The following PDE8B variants were observed in gnomAD, a reference collection of about 807,000 sequenced individuals.
The protein encoded by PDE8B is high affinity cAMP-specific and IBMX-insensitive 3',5'-cyclic phosphodiesterase 8B.
PDE8B carries 26 observed loss-of-function variants against 101.3 expected under a neutral mutation model. That is an observed-to-expected ratio of 0.26 (90% CI 0.19 to 0.36). The LOEUF is 0.36. Ranked by LOEUF, PDE8B falls within the 10% of genes least tolerant of loss-of-function variation. The pLI, the probability that PDE8B is intolerant of heterozygous loss-of-function variation, is 1.00. For missense variants in PDE8B, 810 were observed against 1,163.1 expected (o/e 0.70, Z 4.42); for synonymous variants, 424 against 429.3 (o/e 0.99, Z 0.15).
chr5:77,351,573 G>C (rs1781130980), intron 9 of PDE8B, among the ~76,000 whole-genome samples: 1 of 152,104 alleles, frequency 6.6e-6, no homozygotes, highest in Admixed American at 6.5e-5. Flanking sequence ...CTTGTTCCTT[G>C]GAGGCCCACT....
chr5:77,291,054 G>T, intron 1 of PDE8B: 3 of 1,611,798 alleles, frequency 1.9e-6, no homozygotes, highest in Non-Finnish European at 1.7e-6. Context: ...GGAGAGGTTT[G>T]GGAGAAGTTT....
intron 2 of PDE8B, among the ~76,000 whole-genome samples, chr5:77,313,367 A>G (rs907289689): frequency 2.0e-5 from 3 of 152,208 alleles, no homozygotes; most frequent in East Asian, 1.9e-4. Context: ...GAGAGAGAGA[A>G]AAATAAACAC....
chr5:77,354,570 C>T (rs1561573125), intron 10 of PDE8B, among the ~76,000 whole-genome samples: 2 of 152,160 alleles, frequency 1.3e-5, no homozygotes, highest in African/African-American at 2.4e-5. Flanking sequence ...AGGGACAGGA[C>T]ACCTGGTGTC....
At chr5:77,276,439 C>T (rs1350302238) in intron 1 of PDE8B, among the ~76,000 whole-genome samples, 1 of 152,202 alleles carries the variant, frequency 6.6e-6, no homozygotes, top group African/African-American at 2.4e-5. Flanking sequence ...CTTCATGCCA[C>T]TTGTCATAAT....
chr5:77,424,388 C>A (rs533374125), intron 20 of PDE8B, among the ~76,000 whole-genome samples: 1 of 152,198 alleles, frequency 6.6e-6, no homozygotes, highest in Non-Finnish European at 1.5e-5. Flanking sequence ...ATGAAAGTTA[C>A]AAATGAAGCC....
the PDE8B span, among the ~76,000 whole-genome samples, chr5:77,205,002 A>G: frequency 1.7e-4 from 26 of 152,160 alleles, no homozygotes; most frequent in Non-Finnish European, 7.3e-5. Flanking sequence ...CATCTCTCCT[A>G]GCCTGATTAT....
chr5:77,263,204 T>C (rs924057504), intron 1 of PDE8B, among the ~76,000 whole-genome samples: 2 of 152,112 alleles, frequency 1.3e-5, no homozygotes, highest in African/African-American at 4.8e-5. Flanking sequence ...ATAACAGAGA[T>C]GACAGTTTAG....
chr5:77,141,204 C>CTT, the PDE8B span: 1 of 152,210 alleles, frequency 6.6e-6, no homozygotes, highest in East Asian at 1.9e-4. Flanking sequence ...CAATGGGATG[C>CTT]TTTAACATGC....
At chr5:77,294,713 A>G (rs192256847) in intron 1 of PDE8B, among the ~76,000 whole-genome samples, 18 of 151,598 alleles carry the variant, frequency 1.2e-4, no homozygotes, top group Admixed American at 7.9e-4. Context: ...AAGAGTGAAT[A>G]AACAGTGCAG....
chr5:77,112,828 A>C, the PDE8B span: 1 of 152,240 alleles, frequency 6.6e-6, no homozygotes, highest in African/African-American at 2.4e-5. Context: ...GTCTCAGGAT[A>C]CAAAATCAAT....
At chr5:77,108,694 A>G in the PDE8B span, among the ~76,000 whole-genome samples, 1 of 152,200 alleles carries the variant, frequency 6.6e-6, no homozygotes, top group Non-Finnish European at 1.5e-5. Context: ...AAATATACAT[A>G]TATATAAATG....
chr5:77,090,233 ATTTTTTTC>A, the PDE8B span, among the ~76,000 whole-genome samples: 1 of 151,868 alleles, frequency 6.6e-6, no homozygotes, highest in African/African-American at 2.4e-5. Flanking sequence ...CAAAGAGAAG[ATTTTTTTC>A]TTTTTTTCTT....
In PDE8B at chr5:77,245,857, C is replaced by CG. The variant is rs1756813088; in HGVS notation, c.339+34593_339+34594insG. Among the ~76,000 whole-genome samples, 2 of 92,536 alleles carry CG rather than the reference C, an allele frequency of 2.2e-5. 1 individual carries two copies. Among genetic ancestry groups the CG allele is most frequent in the East Asian group, 7.9e-4 (2 of 2,516 alleles). 60.7% of individuals were successfully genotyped at this position (92,536 alleles called of 152,430 possible). A position where few individuals can be genotyped will look rare whatever the true frequency, so the allele number is the denominator to read the frequency against. The stretch of plus-strand genomic sequence containing the variant: ...AACCTCCTCCCCCCCCCGCCCCCCC[C>CG]CCCCAACTTTTTGAGATAGGGTCTT... On this transcript the variant is annotated intron_variant, in intron 1 of 21. Transcript: ENST00000264917.
chr5:77,144,067 C>G, the PDE8B span: 1 of 152,176 alleles, frequency 6.6e-6, no homozygotes, highest in South Asian at 2.1e-4. Flanking sequence ...GAAATCTCAG[C>G]CTTTGGTCCA....
At chr5:77,208,437 C>T (rs533300094), upstream of PDE8B, among the ~76,000 whole-genome samples, 15 of 152,262 alleles carry the variant, frequency 9.9e-5, no homozygotes, top group Admixed American at 7.2e-4. Context: ...CTGACTTGAA[C>T]GTTACATCAG....
At chr5:77,233,654 C>CTGTGTGTGTGTGTGTGTGTGTG (rs72346580) in intron 1 of PDE8B, among the ~76,000 whole-genome samples, 1 of 138,240 alleles carries the variant, frequency 7.2e-6, no homozygotes, top group African/African-American at 2.7e-5. Flanking sequence ...CCCTGAAGCT[C>CTGTGTGTGTGTGTGTGTGTGTG]TGTGTGTGTG....
chr5:77,380,253 C>G (rs1239238894), intron 10 of PDE8B, among the ~76,000 whole-genome samples: 1 of 152,192 alleles, frequency 6.6e-6, no homozygotes, highest in Non-Finnish European at 1.5e-5. Flanking sequence ...CTTCCTGTTT[C>G]ATTGCAAATG....
At chr5:77,244,343 C>G (rs1030964870) in intron 1 of PDE8B, among the ~76,000 whole-genome samples, 11 of 152,102 alleles carry the variant, frequency 7.2e-5, no homozygotes, top group Non-Finnish European at 1.3e-4. Context: ...CATGGCAGGG[C>G]TGCAGCCTTG....
chr5:77,173,791 C>T, the PDE8B span, among the ~76,000 whole-genome samples: 3 of 150,780 alleles, frequency 2.0e-5, no homozygotes, highest in Admixed American at 1.3e-4. Context: ...GAAAGTGTAG[C>T]GGAGTTAAGT....
Sources: allele counts gnomAD v4.1 joint callset (sites outside exome capture counted in the v4.1 genomes callset), GRCh38; gene constraint gnomAD v4.1.1; transcripts MANE v1.5; gene names NCBI Gene and HGNC (gene_info 2026-07-23, HGNC 2026-07-21).